SFSWAP: variants seen among roughly 807,000 people sequenced by gnomAD.
The protein encoded by SFSWAP is splicing factor, suppressor of white-apricot homolog.
A neutral mutation model predicts 100.7 loss-of-function variants in SFSWAP; 17 were observed. The ratio of observed to expected loss-of-function variants is 0.17; its 90% CI spans 0.12 to 0.25. The LOEUF (loss-of-function observed/expected upper bound fraction) is 0.25. Ranked by LOEUF, SFSWAP falls within the 10% of genes least tolerant of loss-of-function variation. SFSWAP has a pLI of 1.00. For missense variants in SFSWAP, 1,005 were observed against 1,262.6 expected, an observed-to-expected ratio of 0.80 and a Z score of 3.09; for synonymous variants, 504 against 510.1, an observed-to-expected ratio of 0.99 and a Z score of 0.16.
rs1228596288 is a variant in SFSWAP at position 131,785,232 on chromosome 12, TCTAA to T, written c.2409-1228_2409-1225del. ...GAAAACCTGGTAAAACGTCAAGGTG[TCTAA>T]CTGACCTCGCCTTTATCATCTGTTC... is the stretch of plus-strand genomic sequence containing the variant. On this transcript the variant is annotated intron_variant, in intron 14 of 17. Coordinates refer to ENST00000261674, the MANE Select transcript of SFSWAP (RefSeq NM_004592.4). 7 of 1,532,918 alleles carry T rather than the reference TCTAA, an allele frequency of 4.6e-6. No homozygotes were observed. In the East Asian group the frequency reaches 1.7e-4, roughly 37 times the overall value. The allele number at this position is 1,532,918 out of a possible 1,614,324, so 95.0% of individuals were successfully genotyped here.
intron 13 of SFSWAP, among the ~76,000 whole-genome samples, chr12:131,768,568 C>G (rs56069994): frequency 0.076 from 11,632 of 152,218 alleles, 471 homozygotes; most frequent in Middle Eastern, 0.14. Flanking sequence ...GTGTGAGACC[C>G]TGTCGAGTCC....
intron 14 of SFSWAP, chr12:131,785,337 A>G (rs1046191544): frequency 4.1e-5 from 43 of 1,043,246 alleles, no homozygotes; most frequent in South Asian, 1.3e-4. Context: ...CTGGCCCTCC[A>G]GGATGCCGGG....
Position 131,755,377 on chromosome 12 carries a change from T to G in SFSWAP, c.1455-9T>G. 2 of 1,608,946 alleles carry G rather than the reference T, an allele frequency of 1.2e-6. No homozygotes were observed. Among genetic ancestry groups the G allele is most frequent in the Non-Finnish European group, 8.5e-7 (1 of 1,175,652 alleles). On this transcript the variant is annotated splice_polypyrimidine_tract_variant and intron_variant, in intron 9 of 17. Coordinates refer to ENST00000261674, the MANE Select transcript of SFSWAP (RefSeq NM_004592.4). ...GTAAATGACCCATTTTCTTTCTTTT[T>G]CTGCTCAGATTTGAGTTCCTGCAGC... is the stretch of plus-strand genomic sequence containing the variant.
chr12:131,713,780 T>C (rs1259160921), intron 1 of SFSWAP: 1 of 220,616 alleles, frequency 4.5e-6, no homozygotes, highest in East Asian at 9.5e-5. Flanking sequence ...GCCAGTGAAG[T>C]GGGTACCATT....
chr12:131,752,696 G>T (rs769025494), intron 7 of SFSWAP, among the ~76,000 whole-genome samples: 1 of 152,218 alleles, frequency 6.6e-6, no homozygotes, highest in Admixed American at 6.5e-5. Flanking sequence ...AGGTGTCAGC[G>T]CGGGGAGCTA....
chr12:131,768,229 C>T (rs1459309352), intron 13 of SFSWAP, among the ~76,000 whole-genome samples: 1 of 152,202 alleles, frequency 6.6e-6, no homozygotes, highest in Non-Finnish European at 1.5e-5. Flanking sequence ...CTCTGCAGGC[C>T]GCAGCCACGT....
rs923515150 is a variant in SFSWAP, at chr12:131,711,697, C to T, written c.218+250C>T. On this transcript the variant is annotated intron_variant, in intron 1 of 17. Transcript: ENST00000261674. The surrounding 1 kb of genome is among the most constrained non-coding windows in gnomAD (Gnocchi z 4.9). ...GAGGGATCGTCTCTGGTCCCGCAGC[C>T]CCTCTCGACCCCTCACCCTGTCGCT... is the stretch of plus-strand genomic sequence containing the variant. 1.0e-5 allele frequency: 5 copies of T among 488,608 alleles called. No individual in the cohort carries two copies. The Admixed American group carries it at 1.4e-4, about 14-fold the overall frequency. The allele number at this position is 488,608 out of a possible 1,614,324, so 30.3% of individuals were successfully genotyped here. A position where few individuals can be genotyped will look rare whatever the true frequency, so the allele number is the denominator to read the frequency against.
At chr12:131,752,425 G>A (rs1293141628) in intron 7 of SFSWAP, among the ~76,000 whole-genome samples, 4 of 152,324 alleles carry the variant, frequency 2.6e-5, no homozygotes, top group Middle Eastern at 3.4e-3. Context: ...TGTTAAGACA[G>A]CGTGCCTCTA....
chr12:131,755,622 C>T (rs1194789620), intron 10 of SFSWAP, 143 bp downstream of exon 10: 3 of 622,256 alleles, frequency 4.8e-6, no homozygotes, highest in Non-Finnish European at 8.5e-6. Context: ...CTGGCATACT[C>T]CATCTTTCAC....
chr12:131,783,054 G>C (rs1168960675), intron 14 of SFSWAP, among the ~76,000 whole-genome samples: 2 of 151,914 alleles, frequency 1.3e-5, no homozygotes, highest in South Asian at 4.2e-4. Flanking sequence ...GTTGGTGTGC[G>C]CCTATAATCC....
chr12:131,714,768 G>A lies in SFSWAP; in HGVS notation c.389-54G>A. The A allele has an allele frequency of 6.5e-7, 1 of 1,532,508 alleles. No homozygotes were observed. The highest frequency in any genetic ancestry group is 2.3e-5 in the East Asian group (1 of 43,154). 94.9% of individuals were successfully genotyped at this position (1,532,508 alleles called of 1,614,324 possible). ...AGCTACAACTTTAGAAATATATAAA[G>A]TTTTTCTCAGTAATTTTCTATTTTT... is the stretch of plus-strand genomic sequence containing the variant. On this transcript the variant is annotated intron_variant, in intron 2 of 17. Coordinates refer to ENST00000261674, the MANE Select transcript of SFSWAP (RefSeq NM_004592.4). The surrounding 1 kb of genome is among the most constrained non-coding windows in gnomAD (Gnocchi z 6.0).
chr12:131,727,442 T>C (rs374992552), intron 6 of SFSWAP, among the ~76,000 whole-genome samples: 1 of 151,612 alleles, frequency 6.6e-6, no homozygotes, highest in South Asian at 2.1e-4. Context: ...ACATCAGGAG[T>C]TCAAGACCAG....
chr12:131,754,255 T>G, intron 8 of SFSWAP, 113 bp from the exon 9 acceptor site: 1 of 745,398 alleles, frequency 1.3e-6, no homozygotes, highest in Non-Finnish European at 2.0e-6. Flanking sequence ...AACACACTGT[T>G]TATAACTCAC....
rs771684447 is a variant in SFSWAP, at chr12:131,714,982, T to C, written c.520+29T>C. On this transcript the variant is annotated intron_variant, in intron 3 of 17. Transcript: ENST00000261674. The surrounding 1 kb of genome is among the most constrained non-coding windows in gnomAD (Gnocchi z 6.0). ...AGTGGGGAGCTGCCTGGACTGCTGGTGTAGGGCTACACGTGTACGCACAGG... is the reference window on the plus strand; with the variant it reads ...AGTGGGGAGCTGCCTGGACTGCTGGCGTAGGGCTACACGTGTACGCACAGG... 4 of 1,612,938 alleles carry C rather than the reference T, an allele frequency of 2.5e-6. No homozygotes were observed. The highest frequency in any genetic ancestry group is 2.5e-6 in the Non-Finnish European group (3 of 1,179,726).
At chr12:131,761,021 T>A (rs1414843537) in intron 11 of SFSWAP, among the ~76,000 whole-genome samples, 1 of 152,060 alleles carries the variant, frequency 6.6e-6, no homozygotes, top group South Asian at 2.1e-4. Context: ...GCAGTGAGCC[T>A]AGATCGCGCC....
At position 131,778,684 on chromosome 12, in the gene SFSWAP, A is replaced by C. The variant is rs1884221595; in HGVS notation, c.2408+354A>C. Among the ~76,000 whole-genome samples, 1 of 151,868 alleles carries C rather than the reference A, an allele frequency of 6.6e-6. No individual in the cohort carries two copies. Among genetic ancestry groups the C allele is most frequent in the Non-Finnish European group, 1.5e-5 (1 of 67,972 alleles). On this transcript the variant is annotated intron_variant, in intron 14 of 17. Transcript: ENST00000261674. The surrounding 1 kb of genome is among the most constrained non-coding windows in gnomAD (Gnocchi z 4.2). ...AGGTGCCCACCACCACGCCTGGCTAATTTTTGTATTTTTAGTAGAGACGGG... is the reference window on the plus strand; with the variant it reads ...AGGTGCCCACCACCACGCCTGGCTACTTTTTGTATTTTTAGTAGAGACGGG...
At chr12:131,726,371 G>A (rs902179469) in intron 5 of SFSWAP, among the ~76,000 whole-genome samples, 5 of 152,086 alleles carry the variant, frequency 3.3e-5, no homozygotes, top group African/African-American at 4.8e-5. Context: ...CACCACGCCC[G>A]GCTAATTTTT....
intron 7 of SFSWAP, among the ~76,000 whole-genome samples, chr12:131,741,116 C>T (rs1420468357): frequency 6.6e-6 from 1 of 151,464 alleles, no homozygotes; most frequent in Non-Finnish European, 1.5e-5. Flanking sequence ...GGATTACAGG[C>T]GTCCGACACC....
At position 131,753,189 on chromosome 12, in the gene SFSWAP, C is replaced by T; in HGVS notation, c.1148C>T (p.Pro383Leu). Residue 383 changes from proline (P) to leucine (L), a missense_variant, in exon 8 of 18, where the codon CCC becomes CTC. Transcript: ENST00000261674. The part of the protein sequence containing the change: ...LPDGTYCLAP[P>L]PPGIDVTTYY... ...GACGGCACTTACTGCCTGGCGCCGC[C>T]CCCTCCCGGAATCGACGTGACTACT... is the stretch of plus-strand genomic sequence containing the variant. 6.2e-7 allele frequency: 1 copy of T among 1,614,184 alleles called. No individual in the cohort carries two copies. The highest frequency in any genetic ancestry group is 8.5e-7 in the Non-Finnish European group (1 of 1,180,014).
Sources: allele counts gnomAD v4.1 joint callset (sites outside exome capture counted in the v4.1 genomes callset), GRCh38; gene constraint gnomAD v4.1.1; non-coding constraint Gnocchi (gnomAD v3.1); transcripts MANE v1.5; gene names NCBI Gene and HGNC (gene_info 2026-07-23, HGNC 2026-07-21).